The following IGSF10 variants were observed in gnomAD, a reference collection of about 807,000 sequenced individuals.
IGSF10 encodes the protein calvaria mechanical force protein 608.
IGSF10 carries 126 observed loss-of-function variants against 128.2 expected under a neutral mutation model. The observed-to-expected ratio is 0.98, with a 90% confidence interval of 0.85 to 1.14. IGSF10 has a LOEUF of 1.14. IGSF10 is among the 50% of genes most tolerant of loss of function. IGSF10 has a pLI of 0.00. For missense variants in IGSF10, 3,295 were observed against 3,149.8 expected, an observed-to-expected ratio of 1.05 and a Z score of -1.10; for synonymous variants, 1,185 against 1,146.2, an observed-to-expected ratio of 1.03 and a Z score of -0.68.
the IGSF10 span, among the ~76,000 whole-genome samples, chr3:151,584,593 A>C: frequency 6.6e-6 from 1 of 152,198 alleles, no homozygotes. Context: ...TTATCAAAGG[A>C]GTGCTTTAAG....
At chr3:151,489,395 C>A in the IGSF10 span, among the ~76,000 whole-genome samples, 1 of 152,096 alleles carries the variant, frequency 6.6e-6, no homozygotes, top group Non-Finnish European at 1.5e-5. Flanking sequence ...TTAGTTCAAC[C>A]ATTGGGAAGA....
chr3:151,478,023 C>T, the IGSF10 span, among the ~76,000 whole-genome samples: 2 of 152,222 alleles, frequency 1.3e-5, no homozygotes, highest in African/African-American at 2.4e-5. Context: ...TCCATTCTTA[C>T]ATGCTGCCTT....
the IGSF10 span, among the ~76,000 whole-genome samples, chr3:151,600,755 C>CA: frequency 6.6e-6 from 1 of 151,898 alleles, no homozygotes; most frequent in Non-Finnish European, 1.5e-5. Flanking sequence ...ACCTTTTTGT[C>CA]AAAATGATAT....
At chr3:151,541,107 C>T in the IGSF10 span, among the ~76,000 whole-genome samples, 3 of 152,128 alleles carry the variant, frequency 2.0e-5, no homozygotes, top group South Asian at 4.1e-4. Flanking sequence ...AAAAAACAAA[C>T]CTTAAAATAC....
chr3:151,469,416 C>T, the IGSF10 span, among the ~76,000 whole-genome samples: 7 of 151,922 alleles, frequency 4.6e-5, no homozygotes, highest in African/African-American at 9.7e-5. Flanking sequence ...CATTGGGGCC[C>T]TTTTCAGAAA....
At chr3:151,479,605 A>C in the IGSF10 span, among the ~76,000 whole-genome samples, 1 of 152,236 alleles carries the variant, frequency 6.6e-6, no homozygotes, top group African/African-American at 2.4e-5. Flanking sequence ...CAGCGAGCAC[A>C]GTGGTTAAAC....
At chr3:151,434,320 T>A (rs1472017120), downstream of IGSF10, 1 of 152,196 alleles carries the variant, frequency 6.6e-6, no homozygotes, top group Non-Finnish European at 1.5e-5. Flanking sequence ...AGTTACTCAT[T>A]GCAAAGTTTG....
At chr3:151,524,426 A>G in the IGSF10 span, among the ~76,000 whole-genome samples, 1 of 152,204 alleles carries the variant, frequency 6.6e-6, no homozygotes, top group African/African-American at 2.4e-5. Flanking sequence ...GTACATATAT[A>G]CCATGGAATC....
chr3:151,432,712 T>C (rs1251787098), downstream of IGSF10: 7 of 1,531,146 alleles, frequency 4.6e-6, no homozygotes, highest in East Asian at 1.6e-4. Flanking sequence ...TGCAATAGTT[T>C]TGTGTCTGTA....
chr3:151,559,213 G>A, the IGSF10 span, among the ~76,000 whole-genome samples: 2,173 of 152,206 alleles, frequency 0.014, 55 homozygotes, highest in African/African-American at 0.05. Context: ...TATTGATCAT[G>A]GTATTTTGCC....
At chr3:151,526,454 A>G in the IGSF10 span, among the ~76,000 whole-genome samples, 1 of 152,008 alleles carries the variant, frequency 6.6e-6, no homozygotes, top group Non-Finnish European at 1.5e-5. Flanking sequence ...TTAATGTTGC[A>G]TCATTTTATT....
At chr3:151,488,879 A>G in the IGSF10 span, among the ~76,000 whole-genome samples, 15 of 152,200 alleles carry the variant, frequency 9.9e-5, no homozygotes, top group Admixed American at 3.3e-4. Context: ...CCCTAGAAGA[A>G]AACCTAGGCA....
At chr3:151,594,072 T>C in the IGSF10 span, among the ~76,000 whole-genome samples, 11 of 152,290 alleles carry the variant, frequency 7.2e-5, no homozygotes, top group African/African-American at 2.6e-4. Flanking sequence ...CTGCTCTGGG[T>C]TTCAGCTCTT....
At chr3:151,442,629 T>C (rs552359529) in intron 7 of IGSF10, among the ~76,000 whole-genome samples, 1 of 150,802 alleles carries the variant, frequency 6.6e-6, no homozygotes, top group East Asian at 2.0e-4. Flanking sequence ...CCTCAGGTGA[T>C]CCATCTGTCT....
chr3:151,466,020 C>G (rs572830007), upstream of IGSF10, among the ~76,000 whole-genome samples: 1 of 152,266 alleles, frequency 6.6e-6, no homozygotes, highest in East Asian at 1.9e-4. Context: ...TTCTGTATAT[C>G]ATTTTCCTTT....
the IGSF10 span, among the ~76,000 whole-genome samples, chr3:151,466,607 C>G: frequency 6.6e-6 from 1 of 152,102 alleles, no homozygotes; most frequent in Admixed American, 6.5e-5. Flanking sequence ...GAGATAGAGT[C>G]TCACTCTGTC....
At position 151,448,323 on chromosome 3, in the gene IGSF10, C is replaced by T; in HGVS notation, c.1658G>A (p.Ser553Asn). The change falls in exon 6 of 8, where the codon AGC becomes AAC. Residue 553 changes from serine (S) to asparagine (N), a missense_variant. Ser to Asn is a conservative substitution (Grantham distance 46). Transcript: ENST00000282466. ...AATATCTGCATCATCATAATTGCTG[C>T]TTATACAGTGATATACGCCTGTGTC... ...SFDTGVYHCISSNYDDADILT... is the reference protein window; with the variant it reads ...SFDTGVYHCINSNYDDADILT... The T allele has an allele frequency of 3.1e-6, 5 of 1,614,214 alleles. No individual in the cohort carries two copies. Among genetic ancestry groups the T allele is most frequent in the Non-Finnish European group, 4.2e-6 (5 of 1,180,026 alleles).
the IGSF10 span, among the ~76,000 whole-genome samples, chr3:151,479,985 C>CTT: frequency 2.7e-4 from 40 of 148,668 alleles, no homozygotes; most frequent in African/African-American, 9.9e-4. Context: ...TTTTATCACA[C>CTT]TTTTTTTTTT....
the IGSF10 span, among the ~76,000 whole-genome samples, chr3:151,601,897 A>G: frequency 6.6e-6 from 1 of 152,204 alleles, no homozygotes; most frequent in African/African-American, 2.4e-5. Flanking sequence ...AACCTTCAGA[A>G]TCTTGTCTTT....
Sources: allele counts gnomAD v4.1 joint callset (sites outside exome capture counted in the v4.1 genomes callset), GRCh38; gene constraint gnomAD v4.1.1; transcripts MANE v1.5; gene names NCBI Gene and HGNC (gene_info 2026-07-23, HGNC 2026-07-21).